The following UBE3B variants were observed in gnomAD, a reference collection of about 807,000 sequenced individuals.
UBE3B encodes the protein ubiquitin protein ligase E3B.
UBE3B carries 80 observed loss-of-function variants against 132.3 expected under a neutral mutation model. That is an observed-to-expected ratio of 0.60 (90% confidence interval 0.50 to 0.73). UBE3B has a LOEUF of 0.73. Ranked by LOEUF, UBE3B falls within the 30% of genes least tolerant of loss-of-function variation. The pLI is 0.00. For synonymous variants in UBE3B, 487 were observed against 520.4 expected, an observed-to-expected ratio of 0.94 and a Z score of 0.87; for missense variants, 1,196 against 1,362.5, an observed-to-expected ratio of 0.88 and a Z score of 1.92.
chr12:109,532,715 T>A (rs1883062912), intron 26 of UBE3B, among the ~76,000 whole-genome samples: 1 of 152,212 alleles, frequency 6.6e-6, no homozygotes, highest in Non-Finnish European at 1.5e-5. Flanking sequence ...CGCCGGGAGT[T>A]CCCAGGGGGT....
At position 109,522,698 on chromosome 12, in the gene UBE3B, G is replaced by A. The variant is rs1285440492; in HGVS notation, c.2364+1147G>A. ...CCATTGTTCTCTCTGTCTGGAAACA[G>A]TCTATGTGCACCGGCCTCAGTCCCT... is the stretch of plus-strand genomic sequence containing the variant. On this transcript the variant is annotated intron_variant, in intron 21 of 27. Transcript: ENST00000342494. The surrounding 1 kb of genome is among the most constrained non-coding windows in gnomAD (Gnocchi z 4.2). 6.6e-6 allele frequency among the ~76,000 whole-genome samples: 1 copy of A among 152,216 alleles called. No homozygotes were observed. The highest frequency in any genetic ancestry group is 1.5e-5 in the Non-Finnish European group (1 of 68,044).
intron 1 of UBE3B, among the ~76,000 whole-genome samples, chr12:109,480,958 C>G (rs11066816): frequency 6.6e-6 from 1 of 152,062 alleles, no homozygotes; most frequent in African/African-American, 2.4e-5. Flanking sequence ...TTATTCACTT[C>G]TAAGGCATAA....
intron 24 of UBE3B, chr12:109,528,454 T>G: frequency 1.0e-6 from 1 of 985,322 alleles, no homozygotes; most frequent in Non-Finnish European, 1.2e-6. Flanking sequence ...AGGGATATTT[T>G]TGAGATTACT....
Position 109,483,915 on chromosome 12 carries a change from T to C in UBE3B, c.216T>C (p.Ser72=). Residue 72 remains serine (S), a synonymous_variant, in exon 4 of 28, where the codon AGT becomes AGC. Coordinates refer to ENST00000342494, the MANE Select transcript of UBE3B (RefSeq NM_130466.4). ...KADDPESTKR[S]ALCIFKIARK... is the part of the protein sequence containing the mutation. ...ATGACCCTGAGTCCACTAAAAGAAG[T>C]GCACTTTGTATTTTCAAGATTGCCA... 6.2e-7 allele frequency: 1 copy of C among 1,614,114 alleles called. No individual in the cohort carries two copies. Among genetic ancestry groups the C allele is most frequent in the Non-Finnish European group, 8.5e-7 (1 of 1,179,984 alleles).
Position 109,528,151 on chromosome 12 carries a change from C to T in UBE3B, c.2627+1735C>T, listed in dbSNP as rs368536875. Among the ~76,000 whole-genome samples, 106 of 152,310 alleles carry T rather than the reference C, an allele frequency of 7.0e-4. 1 individual carries two copies. The Middle Eastern group carries it at 0.017, about 24-fold the overall frequency. ...AAAGCCTCAGGTCAGGGTAAGGATA[C>T]TCAGTTCTGCATACTAACTCAAAAG... On this transcript the variant is annotated intron_variant, in intron 24 of 27. Coordinates refer to ENST00000342494, the MANE Select transcript of UBE3B (RefSeq NM_130466.4).
rs1299517043 is a variant in UBE3B at position 109,535,878 on chromosome 12, T to C, written c.*1096T>C. On this transcript the variant is annotated 3_prime_UTR_variant, in exon 28 of 28. Coordinates refer to ENST00000342494, the MANE Select transcript of UBE3B (RefSeq NM_130466.4). ...TTCCTCTGCCCTCATTCTTTACCTT[T>C]GTTGTAAGAACTTTAGCTCCAGGGA... 6.6e-6 allele frequency: 1 copy of C among 152,246 alleles called. No individual in the cohort carries two copies. The highest frequency in any genetic ancestry group is 1.5e-5 in the Non-Finnish European group (1 of 68,052). 9.4% of individuals were successfully genotyped at this position (152,246 alleles called of 1,614,324 possible). A position where few individuals can be genotyped will look rare whatever the true frequency, so the allele number is the denominator to read the frequency against.
chr12:109,534,811 C>T lies in UBE3B; in HGVS notation c.*29C>T. On this transcript the variant is annotated 3_prime_UTR_variant, in exon 28 of 28. Transcript: ENST00000342494. The surrounding 1 kb of genome is among the most constrained non-coding windows in gnomAD (Gnocchi z 5.2). Reference sequence around the variant, plus strand: ...CTGTCCCAGCCCTGCCTCCAGGGCTCCTGGGCTGCCAGGGACCTTCAGCTC... The same window carrying T: ...CTGTCCCAGCCCTGCCTCCAGGGCTTCTGGGCTGCCAGGGACCTTCAGCTC... The T allele has an allele frequency of 1.4e-6, 2 of 1,460,528 alleles. No individual in the cohort carries two copies. The highest frequency in any genetic ancestry group is 2.4e-5 in the Admixed American group (1 of 41,354). 90.5% of individuals were successfully genotyped at this position (1,460,528 alleles called of 1,614,324 possible). A position where few individuals can be genotyped will look rare whatever the true frequency, so the allele number is the denominator to read the frequency against.
intron 18 of UBE3B, among the ~76,000 whole-genome samples, chr12:109,513,636 C>T (rs940284610): frequency 3.3e-5 from 5 of 152,032 alleles, no homozygotes; most frequent in Admixed American, 1.3e-4. Context: ...GTCAGGGAAC[C>T]GCTGAGATAA....
chr12:109,496,265 A>T (rs1656055889), intron 9 of UBE3B, among the ~76,000 whole-genome samples: 1 of 152,222 alleles, frequency 6.6e-6, no homozygotes, highest in African/African-American at 2.4e-5. Context: ...TTTATGGCCA[A>T]ATAATATTCC....
At chr12:109,523,305 C>G (rs1378653876) in intron 21 of UBE3B, among the ~76,000 whole-genome samples, 3 of 152,228 alleles carry the variant, frequency 2.0e-5, no homozygotes, top group African/African-American at 7.2e-5. Flanking sequence ...TCCTGTCTTC[C>G]TCTCGCCAGC....
At chr12:109,487,242 A>G (rs1046493806) in intron 6 of UBE3B, among the ~76,000 whole-genome samples, 2 of 152,322 alleles carry the variant, frequency 1.3e-5, no homozygotes, top group South Asian at 2.1e-4. Flanking sequence ...TACTGCCACT[A>G]GCCCAGCCTG....
At chr12:109,481,241 T>C (rs770124611) in intron 1 of UBE3B, among the ~76,000 whole-genome samples, 2 of 151,222 alleles carry the variant, frequency 1.3e-5, no homozygotes, top group Non-Finnish European at 2.9e-5. Flanking sequence ...CGCTTGAACC[T>C]GGGAGCAGAA....
intron 23 of UBE3B, 130 bp downstream of exon 23, chr12:109,524,633 C>T: frequency 1.0e-6 from 1 of 956,276 alleles, no homozygotes; most frequent in Non-Finnish European, 1.6e-6. Context: ...CTCCCCACCC[C>T]TCGCCCATCC....
chr12:109,479,575 A>G (rs983364544), intron 1 of UBE3B, among the ~76,000 whole-genome samples: 3 of 152,250 alleles, frequency 2.0e-5, no homozygotes, highest in Non-Finnish European at 4.4e-5. Context: ...TTGGTTCTCC[A>G]TGGCATTTAG....
rs1371996837 is a variant in UBE3B at position 109,483,624 on chromosome 12, G to C, written c.73G>C (p.Val25Leu). The C allele has an allele frequency of 6.2e-7, 1 of 1,613,292 alleles. No homozygotes were observed. The highest frequency in any genetic ancestry group is 8.5e-7 in the Non-Finnish European group (1 of 1,179,856). Reference protein sequence around the residue: ...RARQAREERLVQKERERAAVV... With the variant: ...RARQAREERLLQKERERAAVV... ...CCGTCAGGCACGAGAAGAAAGGCTT[G>C]TGCAGAAGGAACGGGAGCGGGCAGC... The change falls in exon 3 of 28, where the codon GTG (valine) becomes CTG (leucine). Residue 25 changes from valine to leucine, a missense_variant. Val to Leu is a conservative substitution (Grantham distance 32). Coordinates refer to ENST00000342494, the MANE Select transcript of UBE3B (RefSeq NM_130466.4).
chr12:109,545,694 G>A, the UBE3B span, among the ~76,000 whole-genome samples: 1 of 152,186 alleles, frequency 6.6e-6, no homozygotes, highest in South Asian at 2.1e-4. Flanking sequence ...AAGCCCCAGG[G>A]GCTGCTCTGT....
the UBE3B span, among the ~76,000 whole-genome samples, chr12:109,547,261 C>G: frequency 1.3e-5 from 2 of 152,236 alleles, no homozygotes; most frequent in Non-Finnish European, 2.9e-5. The surrounding 1 kb of genome is among the most constrained non-coding windows in gnomAD (Gnocchi z 4.1). Flanking sequence ...GAATTCAAAT[C>G]TAGCCTCAGC....
chr12:109,504,116 G>T (rs1490869946), intron 14 of UBE3B, among the ~76,000 whole-genome samples: 1 of 152,218 alleles, frequency 6.6e-6, no homozygotes, highest in African/African-American at 2.4e-5. Context: ...GCTGAGAGAT[G>T]ATGTTGGCCT....
chr12:109,529,310 G>A (rs1882711477), intron 24 of UBE3B, among the ~76,000 whole-genome samples: 2 of 152,186 alleles, frequency 1.3e-5, no homozygotes, highest in African/African-American at 4.8e-5. Context: ...CCCTCTGCTT[G>A]GAACCATTGT....
Sources: allele counts gnomAD v4.1 joint callset (sites outside exome capture counted in the v4.1 genomes callset), GRCh38; gene constraint gnomAD v4.1.1; non-coding constraint Gnocchi (gnomAD v3.1); transcripts MANE v1.5; gene names NCBI Gene and HGNC (gene_info 2026-07-23, HGNC 2026-07-21).